Variants in ANGPT2 observed in about 807,000 individuals in gnomAD.
ANGPT2 encodes angiopoietin 2, also known as angiopoietin-2.
Under a neutral mutation model 62.9 loss-of-function variants are expected in ANGPT2, and 28 were observed. The observed-to-expected ratio is 0.44, with a 90% confidence interval of 0.33 to 0.61. The LOEUF is 0.61. Ranked by LOEUF, ANGPT2 falls within the 20% of genes least tolerant of loss-of-function variation. The pLI, the probability that ANGPT2 is intolerant of heterozygous loss-of-function variation, is 0.03. For missense variants in ANGPT2, 727 were observed against 594.9 expected, an observed-to-expected ratio of 1.22 and a Z score of -2.31; for synonymous variants, 284 against 207.8, an observed-to-expected ratio of 1.37 and a Z score of -3.15.
intron 1 of ANGPT2, among the ~76,000 whole-genome samples, chr8:6,538,362 T>G (rs1046027846): frequency 6.6e-6 from 1 of 152,194 alleles, no homozygotes; most frequent in Non-Finnish European, 1.5e-5. Context: ...TGGCCACGCA[T>G]CCCCCAGCTG....
At chr8:6,543,095 C>A (rs941877162) in intron 1 of ANGPT2, among the ~76,000 whole-genome samples, 28 of 151,966 alleles carry the variant, frequency 1.8e-4, no homozygotes, top group African/African-American at 6.3e-4. Context: ...GGACAGAAAC[C>A]CCCGCAACTC....
At chr8:6,503,460 G>A (rs530345115) in intron 8 of ANGPT2, among the ~76,000 whole-genome samples, 199 bp from the exon 9 acceptor site, 24 of 152,266 alleles carry the variant, frequency 1.6e-4, no homozygotes, top group African/African-American at 4.3e-4. Flanking sequence ...GTTCCATTAC[G>A]GCAAATGCTT....
intron 8 of ANGPT2, among the ~76,000 whole-genome samples, chr8:6,504,312 C>T (rs1164251871): frequency 2.5e-5 from 2 of 79,948 alleles, no homozygotes; most frequent in Non-Finnish European, 4.5e-5. Context: ...AGTGAGACTC[C>T]AGCTCAAAAA....
intron 7 of ANGPT2, among the ~76,000 whole-genome samples, chr8:6,512,214 G>C (rs1317301771): frequency 2.0e-5 from 3 of 152,130 alleles, no homozygotes. Flanking sequence ...TCCACTGTTT[G>C]TACAGCAGGA....
chr8:6,534,248 A>G (rs1397721237), intron 1 of ANGPT2, among the ~76,000 whole-genome samples: 1 of 152,234 alleles, frequency 6.6e-6, no homozygotes, highest in Admixed American at 6.5e-5. Flanking sequence ...AAAAATTGTA[A>G]AACAATACAG....
At chr8:6,515,984 C>T (rs942434957) in intron 5 of ANGPT2, among the ~76,000 whole-genome samples, 4 of 152,138 alleles carry the variant, frequency 2.6e-5, no homozygotes, top group Non-Finnish European at 5.9e-5. Context: ...CCAGTGCAAC[C>T]AGAGAACTGT....
chr8:6,514,813 C>T (rs1196534599), intron 5 of ANGPT2, 35 bp from the exon 6 acceptor site: 8 of 1,541,898 alleles, frequency 5.2e-6, no homozygotes, highest in Non-Finnish European at 6.3e-6. Flanking sequence ...AGTGACAGAG[C>T]CCCCCCACTC....
intron 6 of ANGPT2, 84 bp from the exon 7 acceptor site, chr8:6,513,928 A>G: frequency 7.9e-7 from 1 of 1,259,786 alleles, no homozygotes; most frequent in Admixed American, 2.3e-5. Flanking sequence ...AACTTAACAT[A>G]GAATAACTAT....
Position 6,513,763 on chromosome 8 carries a change from T to G in ANGPT2, c.1111A>C (p.Lys371Gln), listed in dbSNP as rs375618080. The change falls in exon 7 of 9, where the codon AAA (lysine) becomes CAA (glutamine). Residue 371 changes from lysine (K) to glutamine (Q), a missense_variant. Coordinates refer to ENST00000629816, the MANE Select transcript of ANGPT2 (RefSeq NM_001118887.2). ...QLTNQQRYVL[K>Q]IHLKDWEGNE... Reference sequence around the variant, plus strand: ...CCTTCCCAGTCTTTAAGGTGTATTTTAAGCACATAGCGTTGCTGATTAGTC... The same window carrying G: ...CCTTCCCAGTCTTTAAGGTGTATTTGAAGCACATAGCGTTGCTGATTAGTC... 6.2e-6 allele frequency: 10 copies of G among 1,613,974 alleles called. 1 individual carries two copies. In the Middle Eastern group the frequency reaches 1.3e-3, roughly 212 times the overall value.
At chr8:6,539,809 A>G (rs1586487942) in intron 1 of ANGPT2, among the ~76,000 whole-genome samples, 1 of 151,928 alleles carries the variant, frequency 6.6e-6, no homozygotes, top group African/African-American at 2.4e-5. Context: ...CTGGTCTGAA[A>G]CTCCTGACAT....
Position 6,505,600 on chromosome 8 carries a change from A to G in ANGPT2, c.1328-2339T>C, listed in dbSNP as rs191193319. Among the ~76,000 whole-genome samples, 1,012 of 126,326 alleles carry G rather than the reference A, an allele frequency of 8.0e-3. 21 individuals are homozygous for G. Among genetic ancestry groups the G allele is most frequent in the African/African-American group, 0.028 (952 of 33,788 alleles). 82.9% of individuals were successfully genotyped at this position (126,326 alleles called of 152,430 possible). ...TGTATATTCTTTTTGTATATATGGA[A>G]TATATATATTCTTTATATATTTATA... On this transcript the variant is annotated intron_variant, in intron 8 of 8. Coordinates refer to ENST00000629816, the MANE Select transcript of ANGPT2 (RefSeq NM_001118887.2).
chr8:6,505,339 A>AATATATAT (rs1168944488), intron 8 of ANGPT2, among the ~76,000 whole-genome samples: 2 of 51,348 alleles, frequency 3.9e-5, no homozygotes, highest in East Asian at 8.6e-4. Flanking sequence ...ATATAGAAAG[A>AATATATAT]ATATATATAT....
Position 6,502,741 on chromosome 8 carries a change from T to G in ANGPT2, c.*360A>C, listed in dbSNP as rs1359359292. 3.8e-6 allele frequency: 1 copy of G among 266,642 alleles called. No homozygotes were observed. The highest frequency in any genetic ancestry group is 2.2e-5 in the African/African-American group (1 of 45,462). The allele number at this position is 266,642 out of a possible 1,614,324, so 16.5% of individuals were successfully genotyped here. On this transcript the variant is annotated 3_prime_UTR_variant, in exon 9 of 9. Transcript: ENST00000629816. ...AATGCAGTTCCAAGATGATCTGTAT[T>G]GTATAACATAAGTGTTCTGTTTTCC...
chr8:6,505,615 A>G (rs1403760775), intron 8 of ANGPT2, among the ~76,000 whole-genome samples: 3 of 128,170 alleles, frequency 2.3e-5, no homozygotes, highest in African/African-American at 8.7e-5. Context: ...TATATTCTTT[A>G]TATATTTATA....
intron 2 of ANGPT2, among the ~76,000 whole-genome samples, chr8:6,532,074 C>T (rs1353181076): frequency 6.6e-6 from 1 of 152,094 alleles, no homozygotes; most frequent in African/African-American, 2.4e-5. Flanking sequence ...GGTTGGGATG[C>T]GTGGCATGAA....
chr8:6,517,251 ATGGTGC>A (rs1816434609), intron 5 of ANGPT2, among the ~76,000 whole-genome samples: 1 of 152,188 alleles, frequency 6.6e-6, no homozygotes. Context: ...CCACTGGTGC[ATGGTGC>A]AGGAACCTGA....
chr8:6,542,216 C>G (rs997682878), intron 1 of ANGPT2, among the ~76,000 whole-genome samples: 3 of 152,012 alleles, frequency 2.0e-5, no homozygotes, highest in Admixed American at 1.3e-4. Context: ...CAGTGTTTTT[C>G]TATGCCAAAT....
Position 6,548,033 on chromosome 8 carries a change from T to C in ANGPT2, c.288+14614A>G, listed in dbSNP as rs1822924921. On this transcript the variant is annotated intron_variant, in intron 1 of 8. Coordinates refer to ENST00000629816, the MANE Select transcript of ANGPT2 (RefSeq NM_001118887.2). ...GAAATTTAGTTTCACATTTAAGTGG[T>C]CCAAGTGCCAGCTTAAACTTTGTGG... Among the ~76,000 whole-genome samples the C allele has an allele frequency of 2.0e-5, 3 of 152,114 alleles. 1 individual carries two copies. Among genetic ancestry groups the C allele is most frequent in the Admixed American group, 2.0e-4 (3 of 15,280 alleles).
chr8:6,553,842 A>G (rs1307376918), intron 1 of ANGPT2, among the ~76,000 whole-genome samples: 1 of 152,080 alleles, frequency 6.6e-6, no homozygotes. Context: ...GCCACTGAGG[A>G]TGGCACTGGC....
Sources: gnomAD v4.1 joint callset for allele counts (sites outside exome capture counted in the v4.1 genomes callset) on GRCh38, gnomAD v4.1.1 for gene constraint, MANE v1.5 for transcripts, NCBI Gene and HGNC (gene_info 2026-07-23, HGNC 2026-07-21) for gene names.